ENTPD7: variants seen among roughly 807,000 people sequenced by gnomAD.
The protein encoded by ENTPD7 is ectonucleoside triphosphate diphosphohydrolase 7.
ENTPD7 carries 53 observed loss-of-function variants against 77.9 expected under a neutral mutation model. That is an observed-to-expected ratio of 0.68 (90% CI 0.55 to 0.85). The LOEUF is 0.85. ENTPD7 is among the 40% of genes least tolerant of loss of function. The pLI is 0.00. For missense variants in ENTPD7, 636 were observed against 743.7 expected, an observed-to-expected ratio of 0.86 and a Z score of 1.68; for synonymous variants, 248 against 274.9, an observed-to-expected ratio of 0.90 and a Z score of 0.97.
At chr10:99,699,167 A>C (rs2036053313) in intron 10 of ENTPD7, among the ~76,000 whole-genome samples, 1 of 152,134 alleles carries the variant, frequency 6.6e-6, no homozygotes, top group Non-Finnish European at 1.5e-5. Flanking sequence ...GTCTTGTTTA[A>C]TGTTTATGCC....
intron 3 of ENTPD7, among the ~76,000 whole-genome samples, chr10:99,674,564 T>G (rs985038097): frequency 2.6e-5 from 4 of 152,256 alleles, no homozygotes; most frequent in African/African-American, 9.6e-5. Context: ...TGTCTTTTTG[T>G]GCCTGGCTTA....
rs762815489 is a variant in ENTPD7, at chr10:99,698,525, T to C, written c.1011-9T>C. 2.7e-5 allele frequency: 44 copies of C among 1,609,810 alleles called. No individual in the cohort carries two copies. The highest frequency in any genetic ancestry group is 3.4e-5 in the Non-Finnish European group (40 of 1,177,288). ...TTTGTTTGTTTGTTTGTTTTTGTCA[T>C]TGTGGCAGATTGCTTGGTCAGAAGA... On this transcript the variant is annotated splice_polypyrimidine_tract_variant and intron_variant, in intron 9 of 12. Coordinates refer to ENST00000370489, the MANE Select transcript of ENTPD7 (RefSeq NM_020354.5).
chr10:99,666,266 G>A (rs1405388093), intron 3 of ENTPD7, among the ~76,000 whole-genome samples: 1 of 151,884 alleles, frequency 6.6e-6, no homozygotes, highest in Non-Finnish European at 1.5e-5. Flanking sequence ...GGAGTGCAGT[G>A]GCGCTATCTC....
intron 3 of ENTPD7, among the ~76,000 whole-genome samples, chr10:99,665,796 C>T (rs1211744463): frequency 1.3e-5 from 2 of 152,134 alleles, no homozygotes. Flanking sequence ...CTGCTTTGGC[C>T]TCCCAGAGTG....
intron 3 of ENTPD7, among the ~76,000 whole-genome samples, chr10:99,665,686 T>A (rs1284506659): frequency 6.6e-6 from 1 of 151,972 alleles, no homozygotes; most frequent in Non-Finnish European, 1.5e-5. Flanking sequence ...TTGGCTTGCT[T>A]TTCTTTTTTT....
chr10:99,664,035 T>C (rs555001092), intron 3 of ENTPD7, among the ~76,000 whole-genome samples: 8 of 152,180 alleles, frequency 5.3e-5, no homozygotes, highest in Non-Finnish European at 1.2e-4. Context: ...TTTTTTTCTG[T>C]AGTGTTTAAT....
chr10:99,679,994 T>C (rs1313246689), intron 5 of ENTPD7, 119 bp downstream of exon 5: 1 of 1,202,634 alleles, frequency 8.3e-7, no homozygotes, highest in Non-Finnish European at 1.1e-6. Context: ...TATGACACAA[T>C]CATTCATTCC....
chr10:99,697,622 T>C (rs181759548), intron 9 of ENTPD7: 1 of 155,814 alleles, frequency 6.4e-6, no homozygotes, highest in African/African-American at 2.4e-5. Context: ...CTCTTCTCAA[T>C]AACAATTTTC....
intron 3 of ENTPD7, among the ~76,000 whole-genome samples, chr10:99,672,381 C>T (rs1209421353): frequency 6.6e-6 from 1 of 151,322 alleles, no homozygotes; most frequent in Non-Finnish European, 1.5e-5. Flanking sequence ...TCATAGCTCA[C>T]TGCAGCCTCA....
chr10:99,690,565 G>C (rs549074046), intron 7 of ENTPD7, among the ~76,000 whole-genome samples: 19 of 133,636 alleles, frequency 1.4e-4, no homozygotes, highest in African/African-American at 5.1e-4. Flanking sequence ...TTTTTTTTGA[G>C]ACAGTCTTGC....
chr10:99,698,047 A>G lies in ENTPD7; in HGVS notation c.1011-487A>G, dbSNP rs115907108. On this transcript the variant is annotated intron_variant, in intron 9 of 12. Transcript: ENST00000370489. ...GGTGCTGTGCCTGTTCTGTTCCAGC[A>G]CTGCTCATTCAGAGGCAGGCATGGG... is the stretch of plus-strand genomic sequence containing the variant. 499 of 186,556 alleles carry G rather than the reference A, an allele frequency of 2.7e-3. 3 individuals are homozygous for G. The highest frequency in any genetic ancestry group is 0.011 in the African/African-American group (473 of 42,136). The allele number at this position is 186,556 out of a possible 1,614,324, so 11.6% of individuals were successfully genotyped here.
chr10:99,659,981 T>C lies in ENTPD7; in HGVS notation c.8+17T>C. The stretch of plus-strand genomic sequence containing the variant: ...CATGGCTAGGTAAGGCTGCACACTT[T>C]CCCTCCGGCTGGGAGCACGGCAGAG... On this transcript the variant is annotated intron_variant, in intron 2 of 12. Transcript: ENST00000370489. The surrounding 1 kb of genome is among the most constrained non-coding windows in gnomAD (Gnocchi z 4.1). The C allele has an allele frequency of 6.2e-7, 1 of 1,613,774 alleles. No individual in the cohort carries two copies. Among genetic ancestry groups the C allele is most frequent in the South Asian group, 1.1e-5 (1 of 91,060 alleles).
intron 8 of ENTPD7, among the ~76,000 whole-genome samples, chr10:99,694,953 T>C (rs10748789): frequency 0.84 from 128,038 of 152,218 alleles, 54,095 homozygotes; most frequent in Middle Eastern, 0.92. Context: ...TAATAATACA[T>C]ATATACAAAA....
Position 99,709,725 on chromosome 10 carries a change from A to C in ENTPD7, c.*5042A>C. 3 of 985,340 alleles carry C rather than the reference A, an allele frequency of 3.0e-6. No homozygotes were observed. The highest frequency in any genetic ancestry group is 3.6e-6 in the Non-Finnish European group (3 of 829,904). 61.0% of individuals were successfully genotyped at this position (985,340 alleles called of 1,614,324 possible). ...AGATGGCTTGTTCAAGCTTCATTTTAAGCCTGCTCTGTCTACTTATCTTCC... is the reference window on the plus strand; with the variant it reads ...AGATGGCTTGTTCAAGCTTCATTTTCAGCCTGCTCTGTCTACTTATCTTCC... On this transcript the variant is annotated 3_prime_UTR_variant, in exon 13 of 13. Transcript: ENST00000370489.
intron 7 of ENTPD7, 121 bp downstream of exon 7, chr10:99,688,871 T>C: frequency 1.1e-6 from 1 of 891,848 alleles, no homozygotes; most frequent in Non-Finnish European, 1.8e-6. Context: ...ATAAGATGCT[T>C]CATTTTCCAG....
At chr10:99,702,994 A>C (rs1215208401) in intron 12 of ENTPD7, among the ~76,000 whole-genome samples, 2 of 152,180 alleles carry the variant, frequency 1.3e-5, no homozygotes, top group African/African-American at 4.8e-5. Context: ...AGATACTGAC[A>C]AGCTAAAATG....
In ENTPD7 at chr10:99,709,326, G is replaced by A; in HGVS notation, c.*4643G>A. ...CTAATTGTCCTTTTTGCTGTGGTAT[G>A]TGGTGTAATGTTGATTGGGAATAAG... is the stretch of plus-strand genomic sequence containing the variant. On this transcript the variant is annotated 3_prime_UTR_variant, in exon 13 of 13. Coordinates refer to ENST00000370489, the MANE Select transcript of ENTPD7 (RefSeq NM_020354.5). The A allele has an allele frequency of 1.6e-5, 16 of 985,364 alleles. No individual in the cohort carries two copies. The highest frequency in any genetic ancestry group is 1.9e-5 in the Non-Finnish European group (16 of 829,902). 61.0% of individuals were successfully genotyped at this position (985,364 alleles called of 1,614,324 possible).
chr10:99,685,980 T>C, intron 6 of ENTPD7, 85 bp downstream of exon 6: 1 of 801,870 alleles, frequency 1.2e-6, no homozygotes, highest in Non-Finnish European at 2.0e-6. Context: ...AATTATTCTA[T>C]ATATCGGATT....
At chr10:99,703,831 C>T (rs1270314361) in intron 12 of ENTPD7, among the ~76,000 whole-genome samples, 1 of 152,188 alleles carries the variant, frequency 6.6e-6, no homozygotes, top group Non-Finnish European at 1.5e-5. Context: ...AAGTGATTCT[C>T]CTGCCTCAGC....
Sources: allele counts gnomAD v4.1 joint callset (sites outside exome capture counted in the v4.1 genomes callset), GRCh38; gene constraint gnomAD v4.1.1; non-coding constraint Gnocchi (gnomAD v3.1); transcripts MANE v1.5; gene names NCBI Gene and HGNC (gene_info 2026-07-23, HGNC 2026-07-21).